The following PDCD6IP variants were observed in gnomAD, a reference collection of about 807,000 sequenced individuals.
The protein encoded by PDCD6IP is programmed cell death 6-interacting protein.
A neutral mutation model predicts 103.7 loss-of-function variants in PDCD6IP; 43 were observed. The observed-to-expected ratio is 0.41, with a 90% CI of 0.32 to 0.53. The LOEUF (loss-of-function observed/expected upper bound fraction) is 0.53, where lower values mean the gene tolerates loss of function less well. Ranked by LOEUF, PDCD6IP falls within the 20% of genes least tolerant of loss-of-function variation. The pLI, the probability that PDCD6IP is intolerant of heterozygous loss-of-function variation, is 0.16. For missense variants in PDCD6IP, 871 were observed against 1,036.7 expected, an observed-to-expected ratio of 0.84 and a Z score of 2.20; for synonymous variants, 354 against 378.7, an observed-to-expected ratio of 0.93 and a Z score of 0.76.
intron 15 of PDCD6IP, 74 bp from the exon 16 acceptor site, chr3:33,863,927 GAAGAA>G (rs917058895): frequency 1.2e-5 from 11 of 900,714 alleles, no homozygotes; most frequent in Admixed American, 4.1e-5. Flanking sequence ...TTTCATGTAT[GAAGAA>G]AAGAAAAGCT....
chr3:33,827,547 G>A (rs1697155893), intron 6 of PDCD6IP: 2 of 152,154 alleles, frequency 1.3e-5, no homozygotes, highest in South Asian at 4.1e-4. Flanking sequence ...AATTTGCCCA[G>A]GATTCTTGGG....
chr3:33,855,163 T>A lies in PDCD6IP; in HGVS notation c.2026-3T>A, dbSNP rs1697799255. 1 of 1,584,190 alleles carries A rather than the reference T, an allele frequency of 6.3e-7. No individual in the cohort carries two copies. Among genetic ancestry groups the A allele is most frequent in the South Asian group, 1.1e-5 (1 of 90,256 alleles). ...CTTACTTGTATTTGTTCTTTGCTTA[T>A]AGTTTTACAATGAGTTGACTGAAAT... On this transcript the variant is annotated splice_polypyrimidine_tract_variant and splice_region_variant and intron_variant, in intron 14 of 17. Coordinates refer to ENST00000307296, the MANE Select transcript of PDCD6IP (RefSeq NM_013374.6).
chr3:33,809,352 A>C (rs1385586671), intron 1 of PDCD6IP, among the ~76,000 whole-genome samples: 1 of 152,200 alleles, frequency 6.6e-6, no homozygotes, highest in African/African-American at 2.4e-5. Context: ...CAGCCTAGAC[A>C]ATAGTGAGAA....
chr3:33,815,082 G>A lies in PDCD6IP; in HGVS notation c.334+1454G>A, dbSNP rs190411421. Among the ~76,000 whole-genome samples, 270 of 148,030 alleles carry A rather than the reference G, an allele frequency of 1.8e-3. 1 individual carries two copies. Among genetic ancestry groups the A allele is most frequent in the African/African-American group, 6.4e-3 (258 of 40,598 alleles). On this transcript the variant is annotated intron_variant, in intron 3 of 17. Coordinates refer to ENST00000307296, the MANE Select transcript of PDCD6IP (RefSeq NM_013374.6). ...GTATAATATGTATTATATAGTATGTGCATACCATATACATACATGTATCTA... is the reference window on the plus strand; with the variant it reads ...GTATAATATGTATTATATAGTATGTACATACCATATACATACATGTATCTA...
At chr3:33,847,418 C>T (rs1322225094) in intron 12 of PDCD6IP, among the ~76,000 whole-genome samples, 1 of 152,120 alleles carries the variant, frequency 6.6e-6, no homozygotes, top group Non-Finnish European at 1.5e-5. Context: ...GACGGGGTAA[C>T]CACAAAAATT....
intron 7 of PDCD6IP, 47 bp from the exon 8 acceptor site, chr3:33,835,997 A>C: frequency 2.9e-6 from 3 of 1,044,200 alleles, no homozygotes; most frequent in Non-Finnish European, 2.9e-6. Context: ...GAGAAATAAA[A>C]TCACCTCCCT....
At chr3:33,840,212 G>T (rs998109644) in intron 9 of PDCD6IP, among the ~76,000 whole-genome samples, 1 of 152,034 alleles carries the variant, frequency 6.6e-6, no homozygotes, top group African/African-American at 2.4e-5. Flanking sequence ...AAATAAGCTA[G>T]AGAAAAAATA....
rs148356891 is a variant in PDCD6IP, at chr3:33,800,768, C to G, written c.209+1831C>G. Among the ~76,000 whole-genome samples the G allele has an allele frequency of 1.2e-4, 18 of 152,118 alleles. No homozygotes were observed. In the East Asian group the frequency reaches 2.7e-3, roughly 23 times the overall value. On this transcript the variant is annotated intron_variant, in intron 1 of 17. Coordinates refer to ENST00000307296, the MANE Select transcript of PDCD6IP (RefSeq NM_013374.6). ...AAAACATAGTTGTGGTATAATGAGC[C>G]CTGTGATAAAAATCTTGTTGAATAT...
intron 1 of PDCD6IP, among the ~76,000 whole-genome samples, chr3:33,806,919 A>T (rs1696611585): frequency 6.6e-6 from 1 of 152,264 alleles, no homozygotes; most frequent in Non-Finnish European, 1.5e-5. Context: ...GATCTCTCTC[A>T]TTTTGTTGGG....
At chr3:33,849,504 G>T (rs773548127) in intron 12 of PDCD6IP, among the ~76,000 whole-genome samples, 47 of 148,302 alleles carry the variant, frequency 3.2e-4, no homozygotes, top group Non-Finnish European at 6.5e-4. Context: ...TGTGTCCATA[G>T]CATCTAGAAT....
At chr3:33,815,093 A>G (rs1469252025) in intron 3 of PDCD6IP, among the ~76,000 whole-genome samples, 1 of 149,008 alleles carries the variant, frequency 6.7e-6, no homozygotes. Context: ...CATACCATAT[A>G]CATACATGTA....
chr3:33,818,429 C>G (rs1311884737), intron 3 of PDCD6IP, among the ~76,000 whole-genome samples: 1 of 149,564 alleles, frequency 6.7e-6, no homozygotes, highest in Non-Finnish European at 1.5e-5. Context: ...TTGTTCCTTG[C>G]TCTCTCCTGC....
chr3:33,824,517 C>T (rs1485726360), intron 4 of PDCD6IP, among the ~76,000 whole-genome samples: 2 of 152,154 alleles, frequency 1.3e-5, no homozygotes. Context: ...CTCAGCCTCC[C>T]AAAGTGCCGG....
At chr3:33,810,564 A>G (rs1696693623) in intron 1 of PDCD6IP, among the ~76,000 whole-genome samples, 2 of 152,242 alleles carry the variant, frequency 1.3e-5, no homozygotes. Context: ...TACTGCTTAT[A>G]GGCCCTCTTA....
At chr3:33,860,055 AGT>A (rs1368016110) in intron 15 of PDCD6IP, among the ~76,000 whole-genome samples, 1 of 152,216 alleles carries the variant, frequency 6.6e-6, no homozygotes, top group Non-Finnish European at 1.5e-5. Context: ...GACACAGAAC[AGT>A]GTGTAGAGTA....
In PDCD6IP at chr3:33,810,990, A is replaced by G. The variant is rs1696704558; in HGVS notation, c.210-1082A>G. 4 of 277,678 alleles carry G rather than the reference A, an allele frequency of 1.4e-5. No homozygotes were observed. In the Admixed American group the frequency reaches 1.5e-4, roughly 10 times the overall value. The allele number at this position is 277,678 out of a possible 1,614,324, so 17.2% of individuals were successfully genotyped here. A position where few individuals can be genotyped will look rare whatever the true frequency, so the allele number is the denominator to read the frequency against. Reference sequence around the variant, plus strand: ...GCAGCCATGACCTCCAGATCAAGTGATCCTCCCACCTCAGCCTCATGAGTA... The same window carrying G: ...GCAGCCATGACCTCCAGATCAAGTGGTCCTCCCACCTCAGCCTCATGAGTA... On this transcript the variant is annotated intron_variant, in intron 1 of 17. Coordinates refer to ENST00000307296, the MANE Select transcript of PDCD6IP (RefSeq NM_013374.6).
chr3:33,847,980 TAA>T (rs60738650), intron 12 of PDCD6IP, among the ~76,000 whole-genome samples: 64 of 146,506 alleles, frequency 4.4e-4, no homozygotes, highest in African/African-American at 1.4e-3. Flanking sequence ...GGGGTACCTT[TAA>T]AAAAAAAAAC....
Position 33,815,338 on chromosome 3 carries a change from G to A in PDCD6IP, c.334+1710G>A, listed in dbSNP as rs140614147. Among the ~76,000 whole-genome samples, 268 of 152,132 alleles carry A rather than the reference G, an allele frequency of 1.8e-3. 1 individual carries two copies. The highest frequency in any genetic ancestry group is 5.8e-3 in the African/African-American group (240 of 41,508). On this transcript the variant is annotated intron_variant, in intron 3 of 17. Transcript: ENST00000307296. ...TCCCTCTTATATAATAATAGTGCAT[G>A]TTTATTGGGCATTTATTTTACCCAG...
At chr3:33,803,730 G>C (rs1696529685) in intron 1 of PDCD6IP, among the ~76,000 whole-genome samples, 1 of 152,070 alleles carries the variant, frequency 6.6e-6, no homozygotes, top group Non-Finnish European at 1.5e-5. Flanking sequence ...CAAAGGTTTG[G>C]AGCCACCTTT....
Sources: gnomAD v4.1 joint callset for allele counts (sites outside exome capture counted in the v4.1 genomes callset) on GRCh38, gnomAD v4.1.1 for gene constraint, MANE v1.5 for transcripts, NCBI Gene and HGNC (gene_info 2026-07-23, HGNC 2026-07-21) for gene names.